The following MALRD1 variants were observed in gnomAD, a reference collection of about 807,000 sequenced individuals.
MALRD1 encodes MAM and LDL-receptor class A domain-containing protein 1.
In MALRD1, 247 loss-of-function variants were observed where a neutral mutation model predicts 242.1. That is an observed-to-expected ratio of 1.02 (90% CI 0.92 to 1.13). The LOEUF is 1.13. MALRD1 is among the 50% of genes most tolerant of loss of function. MALRD1 has a pLI of 0.00. For missense variants in MALRD1, 2,989 were observed against 2,533.1 expected, an observed-to-expected ratio of 1.18 and a Z score of -3.86; for synonymous variants, 995 against 866.6, an observed-to-expected ratio of 1.15 and a Z score of -2.60.
rs539296919 is a variant in MALRD1 at position 19,282,388 on chromosome 10, G to A, written c.3257-631G>A. ...TAGAGTGCACACCAGGTTTTCTATA[G>A]TATACACAAGAATTTCATTGAATGA... On this transcript the variant is annotated intron_variant, in intron 20 of 39. Coordinates refer to ENST00000454679, the MANE Select transcript of MALRD1 (RefSeq NM_001142308.3). Among the ~76,000 whole-genome samples the A allele has an allele frequency of 2.6e-5, 4 of 152,218 alleles. No individual in the cohort carries two copies. The South Asian group carries it at 8.3e-4, about 32-fold the overall frequency.
At chr10:19,181,409 C>T (rs1400850314) in intron 14 of MALRD1, among the ~76,000 whole-genome samples, 1 of 152,076 alleles carries the variant, frequency 6.6e-6, no homozygotes, top group Non-Finnish European at 1.5e-5. Flanking sequence ...TTTTCACATC[C>T]TAGGTGAATC....
intron 34 of MALRD1, among the ~76,000 whole-genome samples, chr10:19,604,886 G>C (rs996349762): frequency 2.6e-5 from 4 of 152,018 alleles, no homozygotes; most frequent in South Asian, 4.2e-4. Context: ...CTTTATTATG[G>C]TTATCTGGAA....
chr10:19,553,451 A>T (rs1266080147), intron 32 of MALRD1, among the ~76,000 whole-genome samples: 1 of 152,178 alleles, frequency 6.6e-6, no homozygotes, highest in Non-Finnish European at 1.5e-5. Context: ...ACATCATTAA[A>T]AAAATCCATT....
intron 25 of MALRD1, among the ~76,000 whole-genome samples, chr10:19,348,424 A>C (rs895767391): frequency 2.6e-5 from 4 of 152,084 alleles, no homozygotes; most frequent in African/African-American, 9.7e-5. Flanking sequence ...ATCTCCAAGA[A>C]TGAATATTAG....
At chr10:19,649,249 A>G (rs1029421888) in intron 36 of MALRD1, among the ~76,000 whole-genome samples, 1 of 152,148 alleles carries the variant, frequency 6.6e-6, no homozygotes, top group Non-Finnish European at 1.5e-5. Context: ...CTGGGTATAC[A>G]CCCAGTAATG....
chr10:19,719,883 G>T (rs1834662454), intron 38 of MALRD1, among the ~76,000 whole-genome samples: 1 of 151,332 alleles, frequency 6.6e-6, no homozygotes, highest in South Asian at 2.1e-4. Flanking sequence ...GAGACCATTA[G>T]ATAGTTTACT....
rs58034381 is a variant in MALRD1, at chr10:19,163,137, T to TAAAAAAAAAAAAAA, written c.1657-2485_1657-2472dup. Among the ~76,000 whole-genome samples, 383 of 43,802 alleles carry TAAAAAAAAAAAAAA rather than the reference T, an allele frequency of 8.7e-3. 28 individuals are homozygous for TAAAAAAAAAAAAAA. Among genetic ancestry groups the TAAAAAAAAAAAAAA allele is most frequent in the East Asian group, 0.038 (38 of 1,004 alleles). 28.7% of individuals were successfully genotyped at this position (43,802 alleles called of 152,430 possible). A position where few individuals can be genotyped will look rare whatever the true frequency, so the allele number is the denominator to read the frequency against. On this transcript the variant is annotated intron_variant, in intron 12 of 39. Coordinates refer to ENST00000454679, the MANE Select transcript of MALRD1 (RefSeq NM_001142308.3). The stretch of plus-strand genomic sequence containing the variant: ...TGAACAACTGGAGTGAAACCCTGTC[T>TAAAAAAAAAAAAAA]AAAAAAAAAAAAAAAAAAAAAAAAA...
chr10:19,254,167 C>T (rs1030898318), intron 18 of MALRD1, among the ~76,000 whole-genome samples: 1 of 151,892 alleles, frequency 6.6e-6, no homozygotes, highest in Non-Finnish European at 1.5e-5. Flanking sequence ...TTCTAATACA[C>T]CAAAAATTCT....
chr10:19,399,803 T>G, intron 28 of MALRD1, among the ~76,000 whole-genome samples: 1 of 152,202 alleles, frequency 6.6e-6, no homozygotes, highest in Non-Finnish European at 1.5e-5. Flanking sequence ...ATTAGTGTAT[T>G]TCTTTACATC....
intron 18 of MALRD1, among the ~76,000 whole-genome samples, chr10:19,251,693 TG>T (rs1839297627): frequency 6.6e-6 from 1 of 152,010 alleles, no homozygotes; most frequent in Non-Finnish European, 1.5e-5. Context: ...CAAATAACTA[TG>T]GGAACCAGAC....
chr10:19,441,809 A>G (rs575844101), intron 28 of MALRD1, among the ~76,000 whole-genome samples: 1 of 85,336 alleles, frequency 1.2e-5, no homozygotes. Context: ...TGTCTTGACA[A>G]TGTGGGCTCT....
intron 28 of MALRD1, among the ~76,000 whole-genome samples, chr10:19,438,518 A>G (rs1013813738): frequency 6.6e-6 from 1 of 152,218 alleles, no homozygotes; most frequent in Non-Finnish European, 1.5e-5. Context: ...TTACTTACCC[A>G]GAAACGTAAT....
chr10:19,572,573 T>G (rs147174287), intron 33 of MALRD1, among the ~76,000 whole-genome samples: 4 of 152,180 alleles, frequency 2.6e-5, no homozygotes, highest in Non-Finnish European at 5.9e-5. Flanking sequence ...AGAAGTTGGC[T>G]GGTATACTGG....
chr10:19,378,454 C>T (rs1478872448), intron 26 of MALRD1, among the ~76,000 whole-genome samples: 2 of 152,110 alleles, frequency 1.3e-5, no homozygotes, highest in Non-Finnish European at 2.9e-5. Context: ...TTAATCTGCA[C>T]CAGCAAAGTC....
intron 32 of MALRD1, among the ~76,000 whole-genome samples, chr10:19,545,273 A>G (rs1564429447): frequency 6.6e-6 from 1 of 152,272 alleles, no homozygotes; most frequent in East Asian, 1.9e-4. Flanking sequence ...CTGTTTCAAA[A>G]TACAGTCACA....
intron 17 of MALRD1, among the ~76,000 whole-genome samples, chr10:19,207,808 T>C (rs1836854222): frequency 6.6e-6 from 1 of 152,170 alleles, no homozygotes. Flanking sequence ...AGCCTGATAA[T>C]GTTTAATTTA....
At position 19,450,287 on chromosome 10, in the gene MALRD1, A is replaced by T; in HGVS notation, c.4846-20A>T. 2.6e-6 allele frequency: 4 copies of T among 1,537,888 alleles called. No individual in the cohort carries two copies. The highest frequency in any genetic ancestry group is 2.6e-6 in the Non-Finnish European group (3 of 1,141,050). ...TTTTGTGTTTGATTATTTCCCTCATACAAACTTCTTTACTTTCAGACAGAG... is the reference window on the plus strand; with the variant it reads ...TTTTGTGTTTGATTATTTCCCTCATTCAAACTTCTTTACTTTCAGACAGAG... On this transcript the variant is annotated intron_variant, in intron 28 of 39. Coordinates refer to ENST00000454679, the MANE Select transcript of MALRD1 (RefSeq NM_001142308.3).
intron 21 of MALRD1, among the ~76,000 whole-genome samples, chr10:19,287,859 A>C (rs981825839): frequency 1.3e-5 from 2 of 151,992 alleles, no homozygotes; most frequent in Admixed American, 6.6e-5. Flanking sequence ...TTTTATTAGG[A>C]CTTGTTTATA....
Position 19,124,604 on chromosome 10 carries a change from A to G in MALRD1, c.877A>G (p.Thr293Ala), listed in dbSNP as rs1286245015. 4 of 1,233,770 alleles carry G rather than the reference A, an allele frequency of 3.2e-6. No homozygotes were observed. Among genetic ancestry groups the G allele is most frequent in the East Asian group, 3.2e-5 (1 of 31,710 alleles). 76.4% of individuals were successfully genotyped at this position (1,233,770 alleles called of 1,614,324 possible). ...ASAGQISWMR[T>A]KAREIPAFES... ...TGCTGGCCAAATTTCCTGGATGCGC[A>G]CAAAAGCGAGAGAGATCCCTGCATT... is the stretch of plus-strand genomic sequence containing the variant. Residue 293 changes from threonine to alanine, a missense_variant, in exon 7 of 40, where the codon ACA becomes GCA. Physicochemically the swap from Thr to Ala is moderately conservative, Grantham distance 58. Coordinates refer to ENST00000454679, the MANE Select transcript of MALRD1 (RefSeq NM_001142308.3).
Sources: allele counts gnomAD v4.1 joint callset (sites outside exome capture counted in the v4.1 genomes callset), GRCh38; gene constraint gnomAD v4.1.1; transcripts MANE v1.5; gene names NCBI Gene and HGNC (gene_info 2026-07-23, HGNC 2026-07-21).